Variants in ST3GAL5 observed in about 807,000 individuals in gnomAD.
ST3GAL5 encodes lactosylceramide alpha-2,3-sialyltransferase.
Under a neutral mutation model 46.1 loss-of-function variants are expected in ST3GAL5, and 25 were observed. The ratio of observed to expected loss-of-function variants is 0.54; its 90% confidence interval spans 0.40 to 0.76. ST3GAL5 has a LOEUF of 0.76. ST3GAL5 is among the 30% of genes least tolerant of loss of function. The pLI, the probability that ST3GAL5 is intolerant of heterozygous loss-of-function variation, is 0.00. For missense variants in ST3GAL5, 431 were observed against 521.2 expected, an observed-to-expected ratio of 0.83 and a Z score of 1.69; for synonymous variants, 182 against 192.7, an observed-to-expected ratio of 0.94 and a Z score of 0.46.
chr2:85,861,140 G>T, intron 3 of ST3GAL5, 41 bp downstream of exon 3: 3 of 1,265,376 alleles, frequency 2.4e-6, no homozygotes, highest in Non-Finnish European at 3.5e-6. Flanking sequence ...GCATATGCTT[G>T]GCAATGTTTT....
At chr2:85,887,219 G>C (rs1687859274) in intron 1 of ST3GAL5, among the ~76,000 whole-genome samples, 1 of 152,222 alleles carries the variant, frequency 6.6e-6, no homozygotes, top group Non-Finnish European at 1.5e-5. Flanking sequence ...AGAACAAAGA[G>C]TGTGTTCTTA....
In ST3GAL5 at chr2:85,840,275, C is replaced by T. The variant is rs147305893; in HGVS notation, c.1126G>A (p.Asp376Asn). 98 of 1,614,008 alleles carry T rather than the reference C, an allele frequency of 6.1e-5. No individual in the cohort carries two copies. The highest frequency in any genetic ancestry group is 3.3e-4 in the Middle Eastern group (2 of 6,084). ...NQPRTPLHYF[D>N]SQCMAAMNFQ... ...TTCATAGCAGCCATGCATTGACTGT[C>T]GAAGTAGTGCAAAGGTGTTCTGGGT... The change falls in exon 7 of 7, where the codon GAC becomes AAC. Residue 376 changes from aspartate (D) to asparagine (N), a missense_variant. Physicochemically the swap from Asp to Asn is conservative, Grantham distance 23 (BLOSUM62 1). Coordinates refer to ENST00000638572, the MANE Select transcript of ST3GAL5 (RefSeq NM_003896.4).
chr2:85,857,771 A>G (rs909627347), intron 3 of ST3GAL5, among the ~76,000 whole-genome samples: 5 of 152,096 alleles, frequency 3.3e-5, no homozygotes, highest in African/African-American at 1.2e-4. Context: ...GGGAAGCAAT[A>G]TATTAGATTC....
At chr2:85,874,611 A>G (rs948392220) in intron 1 of ST3GAL5, among the ~76,000 whole-genome samples, 1 of 151,954 alleles carries the variant, frequency 6.6e-6, no homozygotes, top group African/African-American at 2.4e-5. Context: ...CATAGCATTC[A>G]TTGCCACTGA....
intron 1 of ST3GAL5, among the ~76,000 whole-genome samples, chr2:85,866,823 G>T (rs1685336415): frequency 6.6e-6 from 1 of 152,226 alleles, no homozygotes. Flanking sequence ...CTAGGACAGA[G>T]ATTGGCACAC....
At position 85,844,503 on chromosome 2, in the gene ST3GAL5, G is replaced by C. The variant is rs1218126924; in HGVS notation, c.901C>G (p.Leu301Val). 1.2e-6 allele frequency: 2 copies of C among 1,614,096 alleles called. No homozygotes were observed. Among genetic ancestry groups the C allele is most frequent in the Non-Finnish European group, 1.7e-6 (2 of 1,180,046 alleles). ...FWKQVAEKIP[L>V]QPKHFRILNP... The stretch of plus-strand genomic sequence containing the variant: ...AAAATCCTGAAATGTTTTGGCTGCA[G>C]TGGGATTTTTTCTGCCACCTGCTTC... Residue 301 changes from leucine (L) to valine (V), a missense_variant, in exon 6 of 7, where the codon CTG becomes GTG. Leu to Val is a conservative substitution (Grantham distance 32, BLOSUM62 1). Coordinates refer to ENST00000638572, the MANE Select transcript of ST3GAL5 (RefSeq NM_003896.4).
intron 1 of ST3GAL5, chr2:85,870,171 A>C: frequency 2.1e-6 from 1 of 469,776 alleles, no homozygotes; most frequent in Non-Finnish European, 4.4e-6. Context: ...TTACTTTTGA[A>C]TTACACGTTT....
At chr2:85,858,767 C>G (rs1344983120) in intron 3 of ST3GAL5, among the ~76,000 whole-genome samples, 2 of 152,246 alleles carry the variant, frequency 1.3e-5, no homozygotes, top group East Asian at 3.8e-4. Flanking sequence ...CAGGCCCATC[C>G]TTCTGCGGTC....
At chr2:85,846,679 C>G in intron 4 of ST3GAL5, 116 bp from the exon 5 acceptor site, 16 of 998,360 alleles carry the variant, frequency 1.6e-5, no homozygotes, top group Non-Finnish European at 2.3e-5. Context: ...AGAATGAGTG[C>G]ATGGTTTGCA....
Position 85,844,494 on chromosome 2 carries a change from T to A in ST3GAL5, c.910A>T (p.Lys304Ter). The A allele has an allele frequency of 1.2e-6, 2 of 1,614,186 alleles. No individual in the cohort carries two copies. The highest frequency in any genetic ancestry group is 2.7e-5 in the African/African-American group (2 of 75,034). ...QVAEKIPLQPKHFRILNPVII... is the reference protein window; with the variant it reads ...QVAEKIPLQP ...ACTGGATTCAAAATCCTGAAATGTT[T>A]TGGCTGCAGTGGGATTTTTTCTGCC... Residue 304 changes from lysine to a stop codon, truncating the protein, a stop_gained, in exon 6 of 7, where the codon AAA (lysine) becomes TAA (stop). Transcript: ENST00000638572. LOFTEE classifies it high-confidence loss of function.
In ST3GAL5 at chr2:85,864,376, A is replaced by G. The variant is rs182962094; in HGVS notation, c.83-891T>C. Among the ~76,000 whole-genome samples the G allele has an allele frequency of 2.2e-3, 331 of 152,310 alleles. 1 individual carries two copies. Among genetic ancestry groups the G allele is most frequent in the Middle Eastern group, 0.014 (4 of 294 alleles). On this transcript the variant is annotated intron_variant, in intron 1 of 6. Transcript: ENST00000638572. The stretch of plus-strand genomic sequence containing the variant: ...GAAATATCTACAGATCAAATAGCAA[A>G]AATGAGATCTGCTTCAAGAACTCAG...
chr2:85,884,454 T>C (rs776585429), intron 1 of ST3GAL5, among the ~76,000 whole-genome samples: 5 of 152,204 alleles, frequency 3.3e-5, no homozygotes, highest in Non-Finnish European at 7.3e-5. Context: ...CTTTTCAATT[T>C]TTAAAATGTA....
intron 1 of ST3GAL5, among the ~76,000 whole-genome samples, chr2:85,878,880 T>A (rs977885514): frequency 6.6e-6 from 1 of 151,932 alleles, no homozygotes; most frequent in South Asian, 2.1e-4. Flanking sequence ...AGGTTATGTA[T>A]GAATGGGTCC....
intron 2 of ST3GAL5, among the ~76,000 whole-genome samples, chr2:85,861,800 C>T (rs1410113845): frequency 1.3e-5 from 2 of 151,726 alleles, no homozygotes; most frequent in Non-Finnish European, 2.9e-5. Flanking sequence ...CTGATAAATT[C>T]ACACTATTAT....
chr2:85,846,569 TAAATAA>T lies in ST3GAL5; in HGVS notation c.663-12_663-7del. The T allele has an allele frequency of 6.2e-7, 1 of 1,613,928 alleles. No homozygotes were observed. The highest frequency in any genetic ancestry group is 8.5e-7 in the Non-Finnish European group (1 of 1,179,920). On this transcript the variant is annotated splice_polypyrimidine_tract_variant and splice_region_variant and intron_variant, in intron 4 of 6. Coordinates refer to ENST00000638572, the MANE Select transcript of ST3GAL5 (RefSeq NM_003896.4). ...CAACTGGTGCACTGTTTAACCTATTTAAATAAAAAGGACAAAGACACACTGACAAAG... is the reference window on the plus strand; with the variant it reads ...CAACTGGTGCACTGTTTAACCTATTTAAAGGACAAAGACACACTGACAAAG...
intron 4 of ST3GAL5, chr2:85,846,775 C>A: frequency 3.6e-6 from 2 of 557,604 alleles, no homozygotes; most frequent in Non-Finnish European, 6.4e-6. Context: ...TATCTAATCC[C>A]TGAATGTCAA....
At position 85,848,056 on chromosome 2, in the gene ST3GAL5, G is replaced by A; in HGVS notation, c.467C>T (p.Ser156Phe). The A allele has an allele frequency of 6.2e-7, 1 of 1,614,142 alleles. No homozygotes were observed. Among genetic ancestry groups the A allele is most frequent in the South Asian group, 1.1e-5 (1 of 91,078 alleles). The change falls in exon 4 of 7, where the codon TCC becomes TTC. Residue 156 changes from serine to phenylalanine, a missense_variant. Ser to Phe is a radical substitution (Grantham distance 155). Transcript: ENST00000638572. ...GAACCCAAAAGGAGGATCGTACTTGGACTCAGCTTCACTGTCTTTGGGGGC... is the reference window on the plus strand; with the variant it reads ...GAACCCAAAAGGAGGATCGTACTTGAACTCAGCTTCACTGTCTTTGGGGGC... ...QKAPKDSEAE[S>F]KYDPPFGFRK...
rs1681662395 is a variant in ST3GAL5 at position 85,838,520 on chromosome 2, T to C, written c.*1624A>G. The C allele has an allele frequency of 6.6e-6, 1 of 152,184 alleles. No homozygotes were observed. The highest frequency in any genetic ancestry group is 2.4e-5 in the African/African-American group (1 of 41,422). 9.4% of individuals were successfully genotyped at this position (152,184 alleles called of 1,614,324 possible). On this transcript the variant is annotated 3_prime_UTR_variant, in exon 7 of 7. Transcript: ENST00000638572. ...TGGGTGATAATCTTAAAACATTTTCTCTTAAACAAGCAGTAGCTTATAGAG... is the reference window on the plus strand; with the variant it reads ...TGGGTGATAATCTTAAAACATTTTCCCTTAAACAAGCAGTAGCTTATAGAG...
At chr2:85,866,657 C>T (rs1353794638) in intron 1 of ST3GAL5, among the ~76,000 whole-genome samples, 1 of 152,248 alleles carries the variant, frequency 6.6e-6, no homozygotes, top group African/African-American at 2.4e-5. Context: ...GCTCAAGCAT[C>T]TCTTTCCTTA....
Sources: allele counts gnomAD v4.1 joint callset (sites outside exome capture counted in the v4.1 genomes callset), GRCh38; gene constraint gnomAD v4.1.1; transcripts MANE v1.5; gene names NCBI Gene and HGNC (gene_info 2026-07-23, HGNC 2026-07-21).